The following GALNTL6 variants were observed in gnomAD, a reference collection of about 807,000 sequenced individuals.
The protein encoded by GALNTL6 is polypeptide N-acetylgalactosaminyltransferase-like 6.
Under a neutral mutation model 73.7 loss-of-function variants are expected in GALNTL6, and 46 were observed. The ratio of observed to expected loss-of-function variants is 0.62; its 90% CI spans 0.49 to 0.80. The LOEUF (loss-of-function observed/expected upper bound fraction) is 0.80. Ranked by LOEUF, GALNTL6 falls within the 30% of genes least tolerant of loss-of-function variation. The pLI, the probability that GALNTL6 is intolerant of heterozygous loss-of-function variation, is 0.00. For missense variants in GALNTL6, 604 were observed against 755.0 expected (o/e 0.80, Z 2.34); for synonymous variants, 259 against 263.7 (o/e 0.98, Z 0.17).
intron 10 of GALNTL6, among the ~76,000 whole-genome samples, chr4:172,993,403 T>C (rs1156235009): frequency 6.6e-6 from 1 of 152,222 alleles, no homozygotes; most frequent in Non-Finnish European, 1.5e-5. Flanking sequence ...AGCCACCTAA[T>C]CTGTGGTATT....
chr4:172,638,979 A>G (rs1739832899), intron 5 of GALNTL6, among the ~76,000 whole-genome samples: 1 of 152,054 alleles, frequency 6.6e-6, no homozygotes, highest in Non-Finnish European at 1.5e-5. Context: ...AAATAATACC[A>G]CAGAAGTGGC....
At chr4:172,073,717 C>T (rs1731622334) in intron 2 of GALNTL6, among the ~76,000 whole-genome samples, 1 of 152,200 alleles carries the variant, frequency 6.6e-6, no homozygotes, top group South Asian at 2.1e-4. Context: ...AATCCATTGC[C>T]TGAAGCTAGA....
chr4:172,065,654 A>G (rs6553606), intron 2 of GALNTL6, among the ~76,000 whole-genome samples: 144,691 of 152,214 alleles, frequency 0.95, 69,182 homozygotes, highest in East Asian at 1. Context: ...TTCTTTCTCC[A>G]CATAATACCT....
At chr4:172,276,884 T>C (rs1271313882) in intron 3 of GALNTL6, among the ~76,000 whole-genome samples, 1 of 152,184 alleles carries the variant, frequency 6.6e-6, no homozygotes, top group Admixed American at 6.6e-5. Flanking sequence ...TTTAAAAACA[T>C]GCCATTTTAT....
At chr4:172,436,498 C>T (rs1731640204) in intron 5 of GALNTL6, among the ~76,000 whole-genome samples, 2 of 152,062 alleles carry the variant, frequency 1.3e-5, no homozygotes, top group Admixed American at 1.3e-4. Flanking sequence ...AGCAACTCCC[C>T]CTTTTTCATA....
chr4:171,981,051 G>A (rs559744997), intron 2 of GALNTL6, among the ~76,000 whole-genome samples: 1 of 152,296 alleles, frequency 6.6e-6, no homozygotes, highest in African/African-American at 2.4e-5. Flanking sequence ...TCAATTTGGA[G>A]AGTTTATTTT....
At chr4:172,738,378 T>C (rs770030863) in intron 5 of GALNTL6, among the ~76,000 whole-genome samples, 19 of 152,158 alleles carry the variant, frequency 1.2e-4, no homozygotes, top group Non-Finnish European at 1.8e-4. Context: ...GTTGAAGAAC[T>C]CAGCGCTGTA....
At chr4:172,740,681 G>T (rs1019645222) in intron 5 of GALNTL6, among the ~76,000 whole-genome samples, 1 of 152,012 alleles carries the variant, frequency 6.6e-6, no homozygotes, top group Non-Finnish European at 1.5e-5. Context: ...ATACTACATG[G>T]TGTGTGGGAT....
chr4:172,139,273 A>C (rs983371585), intron 2 of GALNTL6, among the ~76,000 whole-genome samples: 1 of 152,218 alleles, frequency 6.6e-6, no homozygotes, highest in East Asian at 1.9e-4. Flanking sequence ...AAAATGTTAA[A>C]GTGCTTCCTT....
intron 2 of GALNTL6, among the ~76,000 whole-genome samples, chr4:172,097,883 A>G (rs1732403217): frequency 6.6e-6 from 1 of 152,054 alleles, no homozygotes; most frequent in South Asian, 2.1e-4. Flanking sequence ...TCTGTTTAGA[A>G]CTTGTTTACT....
intron 3 of GALNTL6, among the ~76,000 whole-genome samples, chr4:172,303,420 T>A (rs1349494817): frequency 2.0e-5 from 3 of 152,206 alleles, no homozygotes; most frequent in African/African-American, 7.2e-5. Flanking sequence ...CTGTTACTAC[T>A]CCACCTTATG....
intron 5 of GALNTL6, among the ~76,000 whole-genome samples, chr4:172,429,497 C>G (rs560504593): frequency 2.2e-4 from 33 of 152,210 alleles, no homozygotes; most frequent in Non-Finnish European, 3.7e-4. Context: ...AGCCTAACCT[C>G]TTAATATCCT....
At chr4:171,853,709 C>T (rs11132919) in intron 2 of GALNTL6, among the ~76,000 whole-genome samples, 90,183 of 146,608 alleles carry the variant, frequency 0.62, 28,917 homozygotes, top group South Asian at 0.8. Flanking sequence ...CTCCCTAGGT[C>T]CAAGCGATTC....
chr4:172,595,408 T>A (rs997962505), intron 5 of GALNTL6, among the ~76,000 whole-genome samples: 1 of 152,182 alleles, frequency 6.6e-6, no homozygotes, highest in African/African-American at 2.4e-5. Context: ...GATATCACAA[T>A]AATGCTTTAT....
intron 3 of GALNTL6, among the ~76,000 whole-genome samples, chr4:172,231,048 G>A (rs1737049889): frequency 1.0e-5 from 1 of 98,900 alleles, no homozygotes; most frequent in Non-Finnish European, 2.3e-5. Flanking sequence ...TTATTCCAAA[G>A]ATGTTCCCTG....
chr4:172,602,422 A>G (rs1465121048), intron 5 of GALNTL6, among the ~76,000 whole-genome samples: 1 of 152,156 alleles, frequency 6.6e-6, no homozygotes, highest in East Asian at 1.9e-4. Flanking sequence ...ATAAAGGTAA[A>G]GGAGGGAAAG....
intron 4 of GALNTL6, among the ~76,000 whole-genome samples, chr4:172,332,621 C>A (rs913683501): frequency 2.6e-5 from 4 of 151,900 alleles, no homozygotes; most frequent in African/African-American, 4.8e-5. Context: ...TGTGTTGGTG[C>A]AAATGACATG....
intron 2 of GALNTL6, among the ~76,000 whole-genome samples, chr4:171,839,424 C>G (rs1278141811): frequency 3.3e-5 from 5 of 152,014 alleles, no homozygotes; most frequent in Non-Finnish European, 7.4e-5. Flanking sequence ...AAAATAAAGT[C>G]TTTGGTGACC....
At chr4:172,372,574 T>G (rs1411508488) in intron 5 of GALNTL6, among the ~76,000 whole-genome samples, 1 of 152,186 alleles carries the variant, frequency 6.6e-6, no homozygotes, top group Admixed American at 6.5e-5. Flanking sequence ...GTTGTGGGGT[T>G]GTCACACGAG....
Sources: gnomAD v4.1 joint callset for allele counts (sites outside exome capture counted in the v4.1 genomes callset) on GRCh38, gnomAD v4.1.1 for gene constraint, MANE v1.5 for transcripts, NCBI Gene and HGNC (gene_info 2026-07-23, HGNC 2026-07-21) for gene names.